The following SGSH variants were observed in gnomAD, a reference collection of about 807,000 sequenced individuals.
The protein encoded by SGSH is N-sulfoglucosamine sulfohydrolase.
A neutral mutation model predicts 51.0 loss-of-function variants in SGSH; 48 were observed. The ratio of observed to expected loss-of-function variants is 0.94; its 90% confidence interval spans 0.75 to 1.20. The LOEUF (loss-of-function observed/expected upper bound fraction) is 1.20, where lower values mean the gene tolerates loss of function less well. Ranked by LOEUF, SGSH falls within the 50% of genes most tolerant of loss-of-function variation. The pLI, the probability that SGSH is intolerant of heterozygous loss-of-function variation, is 0.00. For missense variants in SGSH, 662 were observed against 717.8 expected (o/e 0.92, Z 0.89); for synonymous variants, 321 against 313.4 (o/e 1.02, Z -0.26).
intron 2 of SGSH, among the ~76,000 whole-genome samples, chr17:80,215,689 G>A (rs1345974531): frequency 6.6e-6 from 1 of 151,846 alleles, no homozygotes; most frequent in Non-Finnish European, 1.5e-5. Context: ...CGTGGTGGCG[G>A]GCGCCTGTAG....
At chr17:80,220,200 C>G in intron 1 of SGSH, 26 bp downstream of exon 1, 1 of 1,489,714 alleles carries the variant, frequency 6.7e-7, no homozygotes, top group Non-Finnish European at 8.9e-7. Flanking sequence ...CGCAGGTGGG[C>G]GTGGGGGGGC....
chr17:80,210,437 G>A lies in SGSH; in HGVS notation c.*15C>T. 1 of 1,583,912 alleles carries A rather than the reference G, an allele frequency of 6.3e-7. No homozygotes were observed. Among genetic ancestry groups the A allele is most frequent in the Non-Finnish European group, 8.5e-7 (1 of 1,170,706 alleles). On this transcript the variant is annotated 3_prime_UTR_variant, in exon 8 of 8. Coordinates refer to ENST00000326317, the MANE Select transcript of SGSH (RefSeq NM_000199.5). Reference sequence around the variant, plus strand: ...GGGACATGCCTGGGATGTGTGCACAGGCCTCCTGGGATGGTCACAGCTCAT... The same window carrying A: ...GGGACATGCCTGGGATGTGTGCACAAGCCTCCTGGGATGGTCACAGCTCAT...
rs752056541 is a variant in SGSH, at chr17:80,214,722, C to G, written c.399G>C (p.Pro133=). ...KKHVGPETVY[P]FDFAYTEENG... is the part of the protein sequence containing the mutation. The stretch of plus-strand genomic sequence containing the variant: ...TCTCCTCCGTGTACGCAAAGTCAAA[C>G]GGGTACACGGTCTCCGGCCCCACGT... Residue 133 remains proline (P), a synonymous_variant, in exon 4 of 8, where the codon CCG becomes CCC. Coordinates refer to ENST00000326317, the MANE Select transcript of SGSH (RefSeq NM_000199.5). 6 of 1,613,096 alleles carry G rather than the reference C, an allele frequency of 3.7e-6. No homozygotes were observed. The Admixed American group carries it at 6.7e-5, about 18-fold the overall frequency.
chr17:80,202,456 G>A, downstream of SGSH: 1 of 1,597,726 alleles, frequency 6.3e-7, no homozygotes, highest in Non-Finnish European at 8.5e-7. Flanking sequence ...CGTCCCCAGA[G>A]AGGCCCACAG....
At chr17:80,211,998 G>A in intron 7 of SGSH, 73 bp downstream of exon 7, 1 of 1,239,762 alleles carries the variant, frequency 8.1e-7, no homozygotes, top group South Asian at 1.2e-5. Context: ...GTGTGGAGCA[G>A]CATCTGACAG....
Position 80,211,165 on chromosome 17 carries a change from G to A in SGSH, c.950-154C>T, listed in dbSNP as rs987756039. ...TCGAGCCGACACCTCTCACCGCCAC[G>A]TCATCTCTCTGGGCCTCAGTGCCTT... On this transcript the variant is annotated intron_variant, in intron 7 of 7. Transcript: ENST00000326317. 14 of 1,514,024 alleles carry A rather than the reference G, an allele frequency of 9.2e-6. No homozygotes were observed. The African/African-American group carries it at 9.6e-5, about 10-fold the overall frequency. The allele number at this position is 1,514,024 out of a possible 1,614,324, so 93.8% of individuals were successfully genotyped here. A position where few individuals can be genotyped will look rare whatever the true frequency, so the allele number is the denominator to read the frequency against.
chr17:80,211,734 G>A (rs939821137), intron 7 of SGSH: 6 of 390,710 alleles, frequency 1.5e-5, no homozygotes, highest in Middle Eastern at 8.2e-4. Flanking sequence ...CTACTGAATC[G>A]GACACCCTGG....
At chr17:80,215,164 G>T (rs4889839) in intron 2 of SGSH, 26 bp from the exon 3 acceptor site, 1 of 1,584,240 alleles carries the variant, frequency 6.3e-7, no homozygotes, top group East Asian at 2.3e-5. Flanking sequence ...CATGAGGTCC[G>T]GGGCCCCCGG....
At position 80,213,438 on chromosome 17, in the gene SGSH, T is replaced by A. The variant is rs2041753841; in HGVS notation, c.745+366A>T. 1 of 297,696 alleles carries A rather than the reference T, an allele frequency of 3.4e-6. No homozygotes were observed. 18.4% of individuals were successfully genotyped at this position (297,696 alleles called of 1,614,324 possible). On this transcript the variant is annotated intron_variant, in intron 6 of 7. Coordinates refer to ENST00000326317, the MANE Select transcript of SGSH (RefSeq NM_000199.5). The surrounding 1 kb of genome is among the most constrained non-coding windows in gnomAD (Gnocchi z 4.6). ...TGAACTGTGGGAGTACAAATTTTGG[T>A]TGCTGTAAGCCATCAACCACAAAAA...
At chr17:80,206,980 C>T (rs2041354921), downstream of SGSH, 1 of 1,610,486 alleles carries the variant, frequency 6.2e-7, no homozygotes, top group African/African-American at 1.3e-5. Flanking sequence ...AACACCCATG[C>T]CCTCCTGGAC....
intron 1 of SGSH, among the ~76,000 whole-genome samples, chr17:80,218,927 A>G (rs2144806429): frequency 6.6e-6 from 1 of 152,252 alleles, no homozygotes; most frequent in South Asian, 2.1e-4. Context: ...CGGGAGGCCA[A>G]GGCAGGAAGA....
chr17:80,202,297 G>C, downstream of SGSH: 2 of 1,613,818 alleles, frequency 1.2e-6, no homozygotes, highest in Non-Finnish European at 1.7e-6. Flanking sequence ...CAGGTGCATT[G>C]CAACGAGGTC....
At chr17:80,207,690 A>C (rs533284030), downstream of SGSH, 1 of 165,680 alleles carries the variant, frequency 6.0e-6, no homozygotes, top group African/African-American at 2.4e-5. Flanking sequence ...TAGTCACTGG[A>C]AAATGACATT....
rs111320915 is a variant in SGSH at position 80,212,464 on chromosome 17, C to T, written c.746-190G>A. ...CTCTTGCCCAGCTCCGCCCAGCTCCCATTCCCTGAGCAGGCCTCGAATGGG... is the reference window on the plus strand; with the variant it reads ...CTCTTGCCCAGCTCCGCCCAGCTCCTATTCCCTGAGCAGGCCTCGAATGGG... On this transcript the variant is annotated intron_variant, in intron 6 of 7. Coordinates refer to ENST00000326317, the MANE Select transcript of SGSH (RefSeq NM_000199.5). The surrounding 1 kb of genome is among the most constrained non-coding windows in gnomAD (Gnocchi z 5.9). The T allele has an allele frequency of 2.8e-4, 185 of 650,390 alleles. No individual in the cohort carries two copies. Among genetic ancestry groups the T allele is most frequent in the African/African-American group, 2.6e-3 (145 of 56,412 alleles). 40.3% of individuals were successfully genotyped at this position (650,390 alleles called of 1,614,324 possible).
rs2041755128 is a variant in SGSH at position 80,213,475 on chromosome 17, T to G, written c.745+329A>C. The stretch of plus-strand genomic sequence containing the variant: ...ATCAACCACAAAAAACTCACAGACC[T>G]CAAGATCTCCATCTGCATATGCTAA... On this transcript the variant is annotated intron_variant, in intron 6 of 7. Transcript: ENST00000326317. The surrounding 1 kb of genome is among the most constrained non-coding windows in gnomAD (Gnocchi z 4.6). 1 of 414,626 alleles carries G rather than the reference T, an allele frequency of 2.4e-6. No homozygotes were observed. The highest frequency in any genetic ancestry group is 2.0e-5 in the African/African-American group (1 of 49,418). 25.7% of individuals were successfully genotyped at this position (414,626 alleles called of 1,614,324 possible).
intron 4 of SGSH, 87 bp from the exon 5 acceptor site, chr17:80,214,415 T>G: frequency 6.8e-7 from 1 of 1,475,538 alleles, no homozygotes; most frequent in Non-Finnish European, 9.2e-7. Flanking sequence ...CTCCTCTGTA[T>G]CTGGAAGTCA....
downstream of SGSH, chr17:80,201,895 G>A (rs764033399): frequency 8.8e-6 from 14 of 1,590,982 alleles, no homozygotes; most frequent in African/African-American, 1.3e-5. This position sits in a 1 kb window ranked among gnomAD's most constrained non-coding sequence, Gnocchi z 5.0. Context: ...CCTCTCGTGT[G>A]CACAGCTGCC....
At chr17:80,201,810 G>A (rs751439750), downstream of SGSH, 38 of 1,613,818 alleles carry the variant, frequency 2.4e-5, 1 homozygote, top group Middle Eastern at 1.6e-4. This position sits in a 1 kb window ranked among gnomAD's most constrained non-coding sequence, Gnocchi z 5.0. Context: ...GGAGGAGGCC[G>A]TGGGGCTTCT....
the SGSH span, chr17:80,201,569 T>C: frequency 8.9e-6 from 6 of 675,238 alleles, no homozygotes; most frequent in East Asian, 1.5e-4. This position sits in a 1 kb window ranked among gnomAD's most constrained non-coding sequence, Gnocchi z 5.0. Context: ...TCACTAGAGG[T>C]GTGAAGGCCC....
Sources: allele counts gnomAD v4.1 joint callset (sites outside exome capture counted in the v4.1 genomes callset), GRCh38; gene constraint gnomAD v4.1.1; non-coding constraint Gnocchi (gnomAD v3.1); transcripts MANE v1.5; gene names NCBI Gene and HGNC (gene_info 2026-07-23, HGNC 2026-07-21).